GCC2: variants seen among roughly 807,000 people sequenced by gnomAD.
The protein encoded by GCC2 is GRIP and coiled-coil domain-containing protein 2.
A neutral mutation model predicts 210.6 loss-of-function variants in GCC2; 120 were observed. The observed-to-expected ratio is 0.57, with a 90% confidence interval of 0.49 to 0.66. The LOEUF is 0.66. GCC2 is among the 30% of genes least tolerant of loss of function. The pLI is 0.00. For missense variants in GCC2, 1,868 were observed against 1,871.9 expected (o/e 1.00, Z 0.04); for synonymous variants, 703 against 652.7 (o/e 1.08, Z -1.17).
intron 7 of GCC2, among the ~76,000 whole-genome samples, chr2:108,474,451 A>G (rs981528395): frequency 1.3e-5 from 2 of 152,220 alleles, no homozygotes; most frequent in East Asian, 1.9e-4. Context: ...GTTAAGCAAC[A>G]TAGAGGTCAG....
At position 108,470,219 on chromosome 2, in the gene GCC2, G is replaced by A. The variant is rs1681119655; in HGVS notation, c.890G>A (p.Cys297Tyr). 6.2e-7 allele frequency: 1 copy of A among 1,613,382 alleles called. No individual in the cohort carries two copies. The highest frequency in any genetic ancestry group is 8.5e-7 in the Non-Finnish European group (1 of 1,179,670). Reference protein sequence around the residue: ...SEKNIQKKYECELENLRKATS... With the variant: ...SEKNIQKKYEYELENLRKATS... ...AAGAACATCCAGAAGAAATATGAAT[G>A]TGAGTTAGAAAATTTAAGGAAAGCC... Residue 297 changes from cysteine (C) to tyrosine (Y), a missense_variant, in exon 6 of 23, where the codon TGT becomes TAT. Physicochemically the swap from Cys to Tyr is radical, Grantham distance 194 (BLOSUM62 -2). Around this residue, in one of 3 missense-constraint regions of GCC2, gnomAD observed 1,847 missense variants for 1,765.2 expected, o/e 1.05. Transcript: ENST00000309863.
intron 1 of GCC2, 84 bp downstream of exon 1, chr2:108,449,364 C>T (rs1679773161): frequency 6.6e-7 from 1 of 1,509,630 alleles, no homozygotes; most frequent in Non-Finnish European, 8.9e-7. Context: ...TGGGAGGGCG[C>T]GGTAGTCTCC....
Position 108,470,432 on chromosome 2 carries a change from A to T in GCC2, c.1103A>T (p.Asp368Val). 6.2e-7 allele frequency: 1 copy of T among 1,606,456 alleles called. No individual in the cohort carries two copies. Among genetic ancestry groups the T allele is most frequent in the Non-Finnish European group, 8.5e-7 (1 of 1,173,648 alleles). The part of the protein sequence containing the change: ...MNNLKLKLEM[D>V]AQHIKDEFFH... ...AATCTTAAGTTAAAACTTGAAATGGATGCTCAACATATAAAGGATGAGTTT... is the reference window on the plus strand; with the variant it reads ...AATCTTAAGTTAAAACTTGAAATGGTTGCTCAACATATAAAGGATGAGTTT... Residue 368 changes from aspartate to valine, a missense_variant, in exon 6 of 23, where the codon GAT becomes GTT. Physicochemically the swap from Asp to Val is radical, Grantham distance 152. Around this residue, in one of 3 missense-constraint regions of GCC2, gnomAD observed 1,847 missense variants for 1,765.2 expected, o/e 1.05. Transcript: ENST00000309863.
At chr2:108,449,926 T>A (rs1338007707) in intron 2 of GCC2, 1 of 525,982 alleles carries the variant, frequency 1.9e-6, no homozygotes, top group African/African-American at 1.9e-5. Context: ...GAGATCCTGC[T>A]ATTTTTCGAA....
intron 4 of GCC2, among the ~76,000 whole-genome samples, chr2:108,457,735 T>A (rs1484767975): frequency 6.6e-6 from 1 of 152,228 alleles, no homozygotes; most frequent in Admixed American, 6.5e-5. Context: ...GTTGCCTTCT[T>A]GATTTCCTTT....
rs562126455 is a variant in GCC2, at chr2:108,470,932, G to A, written c.1603G>A (p.Glu535Lys). The A allele has an allele frequency of 1.5e-5, 24 of 1,613,370 alleles. No individual in the cohort carries two copies. The highest frequency in any genetic ancestry group is 2.2e-5 in the East Asian group (1 of 44,860). The change falls in exon 6 of 23, where the codon GAA becomes AAA. Residue 535 changes from glutamate to lysine, a missense_variant. Coordinates refer to ENST00000309863, the MANE Select transcript of GCC2 (RefSeq NM_181453.4). ...TAFTEKDALL[E>K]TVNRLQGENE... ...TTTTACTGAAAAAGATGCCCTTCTC[G>A]AAACTGTGAATCGCCTCCAGGGAGA...
Position 108,508,618 on chromosome 2 carries a change from T to G in GCC2, c.*988T>G, listed in dbSNP as rs556041345. 9.9e-5 allele frequency: 15 copies of G among 152,018 alleles called. No homozygotes were observed. Among genetic ancestry groups the G allele is most frequent in the African/African-American group, 3.6e-4 (15 of 41,252 alleles). 9.4% of individuals were successfully genotyped at this position (152,018 alleles called of 1,614,324 possible). Reference sequence around the variant, plus strand: ...TATCACTCAGCATTGGATCTAAATATAAAAGTGGTGCTTTCAGTGTTTTTG... The same window carrying G: ...TATCACTCAGCATTGGATCTAAATAGAAAAGTGGTGCTTTCAGTGTTTTTG... On this transcript the variant is annotated 3_prime_UTR_variant, in exon 23 of 23. Transcript: ENST00000309863.
At position 108,502,794 on chromosome 2, in the gene GCC2, A is replaced by G. The variant is rs1682986671; in HGVS notation, c.4984+3040A>G. On this transcript the variant is annotated intron_variant, in intron 22 of 22. Transcript: ENST00000309863. ...AAAAATTAGCCGGGCGTGGTGGCAC[A>G]TGCCTGTAATCCCAGCTACTTGGGA... Among the ~76,000 whole-genome samples, 3 of 151,912 alleles carry G rather than the reference A, an allele frequency of 2.0e-5. No individual in the cohort carries two copies. The South Asian group carries it at 6.2e-4, about 32-fold the overall frequency.
intron 11 of GCC2, among the ~76,000 whole-genome samples, 167 bp downstream of exon 11, chr2:108,482,618 G>A (rs189621919): frequency 1.3e-5 from 2 of 152,318 alleles, no homozygotes; most frequent in Admixed American, 1.3e-4. Flanking sequence ...GATTTGGGGT[G>A]TATATATTTT....
At chr2:108,507,409 C>CA in intron 22 of GCC2, 151 bp from the exon 23 acceptor site, 16 of 359,444 alleles carry the variant, frequency 4.5e-5, no homozygotes, top group South Asian at 1.5e-4. Flanking sequence ...AAAAGAACCC[C>CA]CCCCCCCAAA....
At position 108,471,408 on chromosome 2, in the gene GCC2, A is replaced by G; in HGVS notation, c.2079A>G (p.Glu693=). The change falls in exon 6 of 23, where the codon GAA becomes GAG. Residue 693 remains glutamate, a synonymous_variant. Transcript: ENST00000309863. ...LSAEVKSLYE[E]NNKLSSEKKQ... ...CTGAAGTGAAGTCTCTTTATGAGGA[A>G]AACAATAAACTCAGTTCAGAAAAAA... 2 of 1,605,866 alleles carry G rather than the reference A, an allele frequency of 1.2e-6. No homozygotes were observed. The highest frequency in any genetic ancestry group is 1.7e-6 in the Non-Finnish European group (2 of 1,177,924).
intron 22 of GCC2, among the ~76,000 whole-genome samples, chr2:108,504,516 C>G (rs1487471920): frequency 6.6e-6 from 1 of 152,064 alleles, no homozygotes; most frequent in African/African-American, 2.4e-5. Flanking sequence ...ACAGTAGTCC[C>G]CAAACAATGT....
At chr2:108,477,595 T>G (rs1681608567) in intron 9 of GCC2, among the ~76,000 whole-genome samples, 1 of 152,152 alleles carries the variant, frequency 6.6e-6, no homozygotes, top group South Asian at 2.1e-4. Context: ...AAGAAAGAAA[T>G]TCCTTCTAAG....
At chr2:108,466,356 A>C (rs1024929940) in intron 4 of GCC2, among the ~76,000 whole-genome samples, 5 of 151,150 alleles carry the variant, frequency 3.3e-5, no homozygotes, top group Admixed American at 6.6e-5. Context: ...CCATTTTCTT[A>C]ATGGGCCAGT....
chr2:108,485,662 T>C lies in GCC2; in HGVS notation c.3640T>C (p.Tyr1214His), dbSNP rs746798568. The change falls in exon 14 of 23, where the codon TAT becomes CAT. Residue 1214 changes from tyrosine (Y) to histidine (H), a missense_variant. Tyr to His is a moderately conservative substitution (Grantham distance 83). This residue lies in a region of GCC2 where 1,847 missense variants were observed against 1,765.2 expected (regional missense o/e 1.05). Transcript: ENST00000309863. ...TTCATTACAGTCTTCAGTACAACAA[T>C]ATGAAGAAAAAAACACCAAAATCAA... Reference protein sequence around the residue: ...ITSLQSSVQQYEEKNTKIKQL... With the variant: ...ITSLQSSVQQHEEKNTKIKQL... 5.0e-6 allele frequency: 8 copies of C among 1,585,282 alleles called. No homozygotes were observed. Among genetic ancestry groups the C allele is most frequent in the Admixed American group, 1.8e-5 (1 of 54,596 alleles).
intron 4 of GCC2, 132 bp from the exon 5 acceptor site, chr2:108,468,848 G>T: frequency 3.4e-6 from 2 of 583,314 alleles, no homozygotes; most frequent in Admixed American, 3.0e-5. Flanking sequence ...TTTTCTCTTT[G>T]CGCAATGTGT....
chr2:108,481,893 T>A (rs1339316705), intron 10 of GCC2, 77 bp downstream of exon 10: 17 of 1,102,718 alleles, frequency 1.5e-5, no homozygotes. Context: ...ATAAAAAATT[T>A]AAAAAATATA....
intron 22 of GCC2, among the ~76,000 whole-genome samples, chr2:108,503,482 G>A (rs1451598818): frequency 6.6e-6 from 1 of 152,130 alleles, no homozygotes; most frequent in Non-Finnish European, 1.5e-5. Flanking sequence ...GACATGCAAA[G>A]GAAACTTACC....
Position 108,470,746 on chromosome 2 carries a change from A to G in GCC2, c.1417A>G (p.Lys473Glu), listed in dbSNP as rs1215702024. The change falls in exon 6 of 23, where the codon AAG becomes GAG. Residue 473 changes from lysine to glutamate, a missense_variant. Lys to Glu is a moderately conservative substitution (Grantham distance 56). This residue lies in a region of GCC2 where 1,847 missense variants were observed against 1,765.2 expected (regional missense o/e 1.05). Transcript: ENST00000309863. ...KEQCENLQQEKQEAILNYESL... is the reference protein window; with the variant it reads ...KEQCENLQQEEQEAILNYESL... Reference sequence around the variant, plus strand: ...ACAGTGTGAAAACCTACAGCAAGAAAAGCAAGAAGCAATTTTAAATTATGA... The same window carrying G: ...ACAGTGTGAAAACCTACAGCAAGAAGAGCAAGAAGCAATTTTAAATTATGA... 1.9e-6 allele frequency: 3 copies of G among 1,613,226 alleles called. No individual in the cohort carries two copies. The highest frequency in any genetic ancestry group is 2.5e-6 in the Non-Finnish European group (3 of 1,179,632).
Sources: gnomAD v4.1 joint callset for allele counts (sites outside exome capture counted in the v4.1 genomes callset) on GRCh38, gnomAD v4.1.1 for gene constraint, gnomAD v4.1.1 regional missense constraint, MANE v1.5 for transcripts, NCBI Gene and HGNC (gene_info 2026-07-23, HGNC 2026-07-21) for gene names.